Variants in BST1 observed in about 807,000 individuals in gnomAD.
The protein encoded by BST1 is ADP-ribosyl cyclase/cyclic ADP-ribose hydrolase 2.
BST1 carries 49 observed loss-of-function variants against 40.6 expected under a neutral mutation model. The ratio of observed to expected loss-of-function variants is 1.21; its 90% CI spans 0.96 to 1.53. The LOEUF is 1.53. BST1 is among the 40% of genes most tolerant of loss of function. The pLI is 0.00. For missense variants in BST1, 423 were observed against 395.9 expected, an observed-to-expected ratio of 1.07 and a Z score of -0.58; for synonymous variants, 157 against 159.3, an observed-to-expected ratio of 0.99 and a Z score of 0.11.
chr4:15,722,592 A>ATTTTT (rs1012036868), intron 7 of BST1, among the ~76,000 whole-genome samples: 5 of 120,302 alleles, frequency 4.2e-5, no homozygotes, highest in African/African-American at 1.3e-4. Context: ...TAATTTTTAG[A>ATTTTT]TTTTTTTTTT....
intron 4 of BST1, among the ~76,000 whole-genome samples, chr4:15,713,963 C>T (rs1245558829): frequency 1.3e-5 from 2 of 152,150 alleles, no homozygotes; most frequent in Non-Finnish European, 2.9e-5. Flanking sequence ...CTCAGTCTCC[C>T]AAATGGCTGA....
downstream of BST1, among the ~76,000 whole-genome samples, chr4:15,735,509 A>C (rs1165446817): frequency 6.6e-6 from 1 of 152,186 alleles, no homozygotes; most frequent in Non-Finnish European, 1.5e-5. Flanking sequence ...GCTTTTCTGT[A>C]TTTATGGCAT....
chr4:15,743,590 C>A, the BST1 span: 1 of 332,856 alleles, frequency 3.0e-6, no homozygotes, highest in East Asian at 9.2e-5. Flanking sequence ...CAGCTGGGAG[C>A]CTCTGCGGGA....
At position 15,718,130 on chromosome 4, in the gene BST1, T is replaced by C. The variant is rs1720607511; in HGVS notation, c.705-777T>C. On this transcript the variant is annotated intron_variant, in intron 6 of 8. Coordinates refer to ENST00000265016, the MANE Select transcript of BST1 (RefSeq NM_004334.3). The stretch of plus-strand genomic sequence containing the variant: ...GCAACAAAGTTTGTTGTAGTGTAAA[T>C]GGTATCGAAATGAAAGAATCAACCT... Among the ~76,000 whole-genome samples, 4 of 152,132 alleles carry C rather than the reference T, an allele frequency of 2.6e-5. No homozygotes were observed. The South Asian group carries it at 8.3e-4, about 32-fold the overall frequency.
chr4:15,703,133 C>T lies in BST1; in HGVS notation c.-12C>T. 1 of 1,583,088 alleles carries T rather than the reference C, an allele frequency of 6.3e-7. No homozygotes were observed. The highest frequency in any genetic ancestry group is 8.6e-7 in the Non-Finnish European group (1 of 1,167,760). On this transcript the variant is annotated 5_prime_UTR_variant, in exon 1 of 9. Coordinates refer to ENST00000265016, the MANE Select transcript of BST1 (RefSeq NM_004334.3). ...GGAGGAAGCACGGGACTGGAGGGAC[C>T]AAAGTTCCCCGATGGCGGCCCAGGG...
At chr4:15,713,515 G>T (rs1720336423) in intron 4 of BST1, among the ~76,000 whole-genome samples, 1 of 151,976 alleles carries the variant, frequency 6.6e-6, no homozygotes, top group African/African-American at 2.4e-5. Context: ...AATTCTGTGA[G>T]GCAGAGACTT....
At chr4:15,733,832 C>T (rs920379609), downstream of BST1, among the ~76,000 whole-genome samples, 1 of 152,122 alleles carries the variant, frequency 6.6e-6, no homozygotes, top group African/African-American at 2.4e-5. Context: ...CTGGGGATCA[C>T]AATTCAATAT....
downstream of BST1, among the ~76,000 whole-genome samples, chr4:15,736,505 A>G (rs542892565): frequency 2.0e-5 from 3 of 151,968 alleles, no homozygotes; most frequent in South Asian, 6.3e-4. Context: ...AGGTACTCTG[A>G]AGGTTGAGGC....
chr4:15,725,979 A>G (rs1721087966), intron 8 of BST1, among the ~76,000 whole-genome samples: 1 of 85,128 alleles, frequency 1.2e-5, no homozygotes, highest in African/African-American at 5.4e-5. Context: ...TTTTGAGACG[A>G]GGTCTCTCTC....
At chr4:15,723,647 T>C (rs1269757028) in intron 8 of BST1, 1 of 975,142 alleles carries the variant, frequency 1.0e-6, no homozygotes, top group Admixed American at 6.2e-5. Context: ...TGAAATATAA[T>C]CCTTGATTAT....
At chr4:15,757,486 GACA>G in the BST1 span, among the ~76,000 whole-genome samples, 4 of 151,820 alleles carry the variant, frequency 2.6e-5, no homozygotes, top group Non-Finnish European at 4.4e-5. Context: ...CTATAAAGAG[GACA>G]AAAGCACACC....
downstream of BST1, among the ~76,000 whole-genome samples, chr4:15,737,497 G>A (rs143794072): frequency 6.6e-6 from 1 of 152,218 alleles, no homozygotes; most frequent in Non-Finnish European, 1.5e-5. Context: ...GGCAAAAGCA[G>A]CTAAGAAAAC....
intron 8 of BST1, among the ~76,000 whole-genome samples, chr4:15,727,292 G>C (rs184306732): frequency 6.6e-6 from 1 of 152,346 alleles, no homozygotes; most frequent in East Asian, 1.9e-4. Context: ...TTCCTGACCT[G>C]TTCTTCCCTG....
chr4:15,710,198 T>A (rs996823236), intron 3 of BST1, among the ~76,000 whole-genome samples: 9 of 152,006 alleles, frequency 5.9e-5, no homozygotes, highest in African/African-American at 1.9e-4. Context: ...GGTCTTGAAC[T>A]CCTGACTTCA....
chr4:15,730,898 C>T (rs372857132), intron 8 of BST1: 3 of 232,826 alleles, frequency 1.3e-5, no homozygotes, highest in African/African-American at 2.4e-5. Flanking sequence ...CATTTCTCCA[C>T]AGTGTGCACA....
chr4:15,712,535 T>C (rs1199589134), intron 4 of BST1, among the ~76,000 whole-genome samples: 1 of 152,214 alleles, frequency 6.6e-6, no homozygotes, highest in Non-Finnish European at 1.5e-5. Context: ...CTATAAAACA[T>C]TAGCTAGGTT....
At chr4:15,769,500 C>A in the BST1 span, among the ~76,000 whole-genome samples, 1 of 152,140 alleles carries the variant, frequency 6.6e-6, no homozygotes, top group African/African-American at 2.4e-5. Flanking sequence ...CATGTTCTTG[C>A]AGCAAGCCTG....
chr4:15,709,035 C>T (rs1165025321), intron 3 of BST1, among the ~76,000 whole-genome samples: 2 of 152,146 alleles, frequency 1.3e-5, no homozygotes, highest in Non-Finnish European at 2.9e-5. Flanking sequence ...ATTAATACCC[C>T]ATGCTTACAT....
intron 1 of BST1, among the ~76,000 whole-genome samples, chr4:15,703,611 C>CAT (rs1328040296): frequency 1.7e-4 from 19 of 112,614 alleles, no homozygotes; most frequent in South Asian, 3.2e-4. Context: ...GGGGTGTGTG[C>CAT]GTGTGTTCTA....
Sources: allele counts gnomAD v4.1 joint callset (sites outside exome capture counted in the v4.1 genomes callset), GRCh38; gene constraint gnomAD v4.1.1; transcripts MANE v1.5; gene names NCBI Gene and HGNC (gene_info 2026-07-23, HGNC 2026-07-21).